The following CFAP54 variants were observed in gnomAD, a reference collection of about 807,000 sequenced individuals.
CFAP54 encodes the protein cilia and flagella associated protein 54.
CFAP54 carries 290 observed loss-of-function variants against 370.4 expected under a neutral mutation model. That is an observed-to-expected ratio of 0.78 (90% CI 0.71 to 0.86). The LOEUF (loss-of-function observed/expected upper bound fraction) is 0.86. CFAP54 is among the 40% of genes least tolerant of loss of function. The pLI, the probability that CFAP54 is intolerant of heterozygous loss-of-function variation, is 0.00. For synonymous variants in CFAP54, 1,206 were observed against 1,236.5 expected, an observed-to-expected ratio of 0.98 and a Z score of 0.52; for missense variants, 3,399 against 3,528.7, an observed-to-expected ratio of 0.96 and a Z score of 0.93.
chr12:96,700,497 C>T (rs1957480668), intron 46 of CFAP54, among the ~76,000 whole-genome samples: 1 of 152,152 alleles, frequency 6.6e-6, no homozygotes, highest in Non-Finnish European at 1.5e-5. Flanking sequence ...GATTTTCATA[C>T]TTTATACCAA....
intron 60 of CFAP54, 146 bp from the exon 61 acceptor site, chr12:96,784,571 T>C: frequency 4.0e-6 from 2 of 500,748 alleles, no homozygotes; most frequent in Non-Finnish European, 3.3e-6. Context: ...GTTTGGTGTC[T>C]GCATGATACA....
chr12:96,601,995 C>G (rs1177496096), intron 26 of CFAP54, among the ~76,000 whole-genome samples: 2 of 152,152 alleles, frequency 1.3e-5, no homozygotes, highest in Admixed American at 6.5e-5. Flanking sequence ...TTGTCTTCTG[C>G]TAGCTTTTGA....
In CFAP54 at chr12:96,506,594, T is replaced by C. The variant is rs998503522; in HGVS notation, c.568-334T>C. Among the ~76,000 whole-genome samples, 14 of 150,318 alleles carry C rather than the reference T, an allele frequency of 9.3e-5. 1 individual carries two copies. The highest frequency in any genetic ancestry group is 3.2e-4 in the African/African-American group (13 of 41,098). On this transcript the variant is annotated intron_variant, in intron 3 of 67. Transcript: ENST00000524981. Reference sequence around the variant, plus strand: ...CTTTTTCTTTCTTTTCTTTTCTTTTTTTTTTTTTTGAGATGGAGTTTCTCT... The same window carrying C: ...CTTTTTCTTTCTTTTCTTTTCTTTTCTTTTTTTTTGAGATGGAGTTTCTCT...
chr12:96,751,970 G>A (rs904759761), intron 55 of CFAP54, among the ~76,000 whole-genome samples: 3 of 151,882 alleles, frequency 2.0e-5, no homozygotes, highest in Non-Finnish European at 4.4e-5. Context: ...CAGAAGCAAC[G>A]GCTTTTCCTC....
chr12:96,738,558 T>C (rs1403101969), intron 50 of CFAP54, among the ~76,000 whole-genome samples: 4 of 151,726 alleles, frequency 2.6e-5, no homozygotes, highest in Non-Finnish European at 5.9e-5. Flanking sequence ...CTCTTCTCCC[T>C]GTGTGTCCTC....
At chr12:96,688,003 G>C (rs1193795060) in intron 42 of CFAP54, among the ~76,000 whole-genome samples, 1 of 152,156 alleles carries the variant, frequency 6.6e-6, no homozygotes, top group East Asian at 1.9e-4. Context: ...TGTTTTCCTA[G>C]ACTCCCTGAG....
At position 96,641,937 on chromosome 12, in the gene CFAP54, GC is replaced by G. The variant is rs1273144776; in HGVS notation, c.4317-2240del. ...ACACCGGGGCCTGTTGTGGGGTGGT[GC>G]GGGGGGGGAGGGATAGCATTAGGAG... On this transcript the variant is annotated intron_variant, in intron 32 of 67. Coordinates refer to ENST00000524981, the MANE Select transcript of CFAP54 (RefSeq NM_001306084.2). Among the ~76,000 whole-genome samples, 276 of 120,920 alleles carry G rather than the reference GC, an allele frequency of 2.3e-3. 8 individuals are homozygous for G. In the East Asian group the frequency reaches 0.056, roughly 25 times the overall value. The allele number at this position is 120,920 out of a possible 152,430, so 79.3% of individuals were successfully genotyped here.
intron 32 of CFAP54, among the ~76,000 whole-genome samples, chr12:96,642,679 G>T (rs1471346983): frequency 1.3e-5 from 2 of 152,112 alleles, no homozygotes; most frequent in Non-Finnish European, 2.9e-5. Context: ...ATATATAGAA[G>T]GTAGTTTCAG....
rs1955530799 is a variant in CFAP54, at chr12:96,538,369, C to A, written c.1792-15C>A. 7.9e-6 allele frequency: 12 copies of A among 1,527,280 alleles called. No homozygotes were observed. The highest frequency in any genetic ancestry group is 1.2e-5 in the South Asian group (1 of 83,282). 94.6% of individuals were successfully genotyped at this position (1,527,280 alleles called of 1,614,324 possible). On this transcript the variant is annotated splice_polypyrimidine_tract_variant and intron_variant, in intron 12 of 67. Coordinates refer to ENST00000524981, the MANE Select transcript of CFAP54 (RefSeq NM_001306084.2). Reference sequence around the variant, plus strand: ...TATTATTCCTACTCATTTACCTTCTCACTTTTGTTTTTAGGATGTTCAACC... The same window carrying A: ...TATTATTCCTACTCATTTACCTTCTAACTTTTGTTTTTAGGATGTTCAACC...
chr12:96,581,770 A>G (rs1182138707), intron 22 of CFAP54, among the ~76,000 whole-genome samples: 1 of 152,012 alleles, frequency 6.6e-6, no homozygotes, highest in Middle Eastern at 3.2e-3. Context: ...ACATCCTGAT[A>G]TTTTCACTTA....
At chr12:96,593,859 G>A (rs917801050) in intron 24 of CFAP54, among the ~76,000 whole-genome samples, 19 of 151,962 alleles carry the variant, frequency 1.3e-4, no homozygotes, top group African/African-American at 4.3e-4. Flanking sequence ...ATAATAGGAG[G>A]TTAGCTTGGT....
At chr12:96,671,481 A>G (rs1957145771) in intron 39 of CFAP54, among the ~76,000 whole-genome samples, 1 of 152,218 alleles carries the variant, frequency 6.6e-6, no homozygotes, top group Non-Finnish European at 1.5e-5. Context: ...GTTCACAGAT[A>G]TAACCCAGTT....
intron 39 of CFAP54, among the ~76,000 whole-genome samples, chr12:96,667,171 C>T (rs1312626955): frequency 2.6e-5 from 4 of 152,202 alleles, no homozygotes; most frequent in African/African-American, 4.8e-5. Context: ...CGGCTGCTTT[C>T]ACAGGCTGGT....
chr12:96,867,682 C>T (rs1348492721), intron 67 of CFAP54, among the ~76,000 whole-genome samples: 1 of 152,170 alleles, frequency 6.6e-6, no homozygotes, highest in Non-Finnish European at 1.5e-5. Context: ...ACTGCATGAT[C>T]TCACTTATAT....
At chr12:96,639,201 A>G (rs1956696400) in intron 32 of CFAP54, among the ~76,000 whole-genome samples, 1 of 152,226 alleles carries the variant, frequency 6.6e-6, no homozygotes, top group African/African-American at 2.4e-5. Context: ...TAAAGAAGAA[A>G]AGAGAGAAGA....
chr12:96,713,595 T>C (rs1482959527), intron 48 of CFAP54, among the ~76,000 whole-genome samples: 1 of 152,198 alleles, frequency 6.6e-6, no homozygotes, highest in Non-Finnish European at 1.5e-5. Context: ...TGAAAACTTG[T>C]TATGGTAGAA....
At chr12:96,801,917 T>TA (rs1481229721) in intron 63 of CFAP54, among the ~76,000 whole-genome samples, 1 of 152,118 alleles carries the variant, frequency 6.6e-6, no homozygotes, top group African/African-American at 2.4e-5. Context: ...TAGGCTCTCC[T>TA]ATGCATATCT....
At chr12:96,840,779 T>C (rs957791669) in intron 66 of CFAP54, among the ~76,000 whole-genome samples, 2 of 152,208 alleles carry the variant, frequency 1.3e-5, no homozygotes, top group Non-Finnish European at 2.9e-5. Context: ...AATATTCTTA[T>C]AGTCTTTTGA....
At position 96,868,044 on chromosome 12, in the gene CFAP54, A is replaced by T. The variant is rs959881258; in HGVS notation, c.*15-7074A>T. Among the ~76,000 whole-genome samples the T allele has an allele frequency of 7.9e-5, 12 of 152,012 alleles. No individual in the cohort carries two copies. In the South Asian group the frequency reaches 1.7e-3, roughly 21 times the overall value. On this transcript the variant is annotated intron_variant, in intron 67 of 67. Coordinates refer to ENST00000524981, the MANE Select transcript of CFAP54 (RefSeq NM_001306084.2). ...ATATACAATTTTTATTCATCAATTT[A>T]AAAAAAAGACTCATACCTAATGGCC...
Sources: allele counts gnomAD v4.1 joint callset (sites outside exome capture counted in the v4.1 genomes callset), GRCh38; gene constraint gnomAD v4.1.1; transcripts MANE v1.5; gene names NCBI Gene and HGNC (gene_info 2026-07-23, HGNC 2026-07-21).